The following WDR11 variants were observed in gnomAD, a reference collection of about 807,000 sequenced individuals.
The protein encoded by WDR11 is WD repeat-containing protein 11.
WDR11 carries 83 observed loss-of-function variants against 151.2 expected under a neutral mutation model. The ratio of observed to expected loss-of-function variants is 0.55; its 90% CI spans 0.46 to 0.66. The LOEUF (loss-of-function observed/expected upper bound fraction) is 0.66. Ranked by LOEUF, WDR11 falls within the 30% of genes least tolerant of loss-of-function variation. The probability of loss-of-function intolerance (pLI) is 0.00; values close to 1 mark genes in which losing one functional copy is unlikely to be tolerated. For synonymous variants in WDR11, 484 were observed against 533.1 expected (o/e 0.91, Z 1.27); for missense variants, 1,301 against 1,480.9 (o/e 0.88, Z 1.99).
chr10:120,894,447 T>C (rs1452523747), intron 19 of WDR11, among the ~76,000 whole-genome samples: 1 of 152,174 alleles, frequency 6.6e-6, no homozygotes, highest in Non-Finnish European at 1.5e-5. Flanking sequence ...CTGGGGATGC[T>C]AAACAACCTG....
chr10:120,857,909 T>C (rs1226552697), intron 2 of WDR11, among the ~76,000 whole-genome samples: 2 of 152,152 alleles, frequency 1.3e-5, no homozygotes, highest in Non-Finnish European at 2.9e-5. Flanking sequence ...ATAAAATAAG[T>C]ACAAATTGTG....
Position 120,903,037 on chromosome 10 carries a change from T to G in WDR11, c.2754-18T>G, listed in dbSNP as rs1357218895. On this transcript the variant is annotated intron_variant, in intron 22 of 28. Coordinates refer to ENST00000263461, the MANE Select transcript of WDR11 (RefSeq NM_018117.12). The stretch of plus-strand genomic sequence containing the variant: ...AGGTGTGCTGAGTGCAGTCAAAACT[T>G]TGCTTCATCCTTGCCAGGCTCTATG... 1 of 1,613,338 alleles carries G rather than the reference T, an allele frequency of 6.2e-7. No individual in the cohort carries two copies. The highest frequency in any genetic ancestry group is 1.7e-5 in the Admixed American group (1 of 60,010).
chr10:120,904,556 GTTTTCC>G (rs1365020892), intron 24 of WDR11, 84 bp from the exon 25 acceptor site: 5 of 1,505,824 alleles, frequency 3.3e-6, no homozygotes, highest in Non-Finnish European at 4.6e-6. Flanking sequence ...GAAAATGAGT[GTTTTCC>G]TTTAGTTTTC....
chr10:120,883,390 T>C (rs1847097042), intron 13 of WDR11, among the ~76,000 whole-genome samples: 1 of 152,204 alleles, frequency 6.6e-6, no homozygotes, highest in Non-Finnish European at 1.5e-5. Context: ...TGTAGTAGAA[T>C]GATAGAAACT....
Position 120,905,353 on chromosome 10 carries a change from T to C in WDR11, c.3228T>C (p.Ala1076=). 6.2e-7 allele frequency: 1 copy of C among 1,614,170 alleles called. No homozygotes were observed. Among genetic ancestry groups the C allele is most frequent in the Non-Finnish European group, 8.5e-7 (1 of 1,180,036 alleles). The change falls in exon 26 of 29, where the codon GCT becomes GCC. Residue 1076 remains alanine, a synonymous_variant. Transcript: ENST00000263461. ...AGTTGCTCTGCCTGATAGATAAGGC[T>C]GCAGACGCCTGCCGCTACCTGCAGA... ...GVQLLCLIDK[A]ADACRYLQTY...
chr10:120,893,689 T>C (rs1394836450), intron 19 of WDR11, among the ~76,000 whole-genome samples: 1 of 151,940 alleles, frequency 6.6e-6, no homozygotes, highest in East Asian at 1.9e-4. Flanking sequence ...GTTTCCTGAC[T>C]TTTTAATGAT....
chr10:120,857,844 T>C (rs1214375930), intron 2 of WDR11, among the ~76,000 whole-genome samples: 2 of 152,200 alleles, frequency 1.3e-5, no homozygotes, highest in Non-Finnish European at 2.9e-5. Context: ...GACCACATGG[T>C]GTGCCCTATG....
At chr10:120,881,297 T>G (rs943214456) in intron 13 of WDR11, among the ~76,000 whole-genome samples, 3 of 152,148 alleles carry the variant, frequency 2.0e-5, no homozygotes, top group Non-Finnish European at 4.4e-5. Flanking sequence ...AAATAGAAAC[T>G]GAATGAAAAT....
In WDR11 at chr10:120,866,589, C is replaced by T. The variant is rs1846319811; in HGVS notation, c.1015C>T (p.Leu339Phe). The T allele has an allele frequency of 1.9e-6, 3 of 1,614,104 alleles. No individual in the cohort carries two copies. The highest frequency in any genetic ancestry group is 2.5e-6 in the Non-Finnish European group (3 of 1,180,028). The change falls in exon 8 of 29, where the codon CTT becomes TTT. Residue 339 changes from leucine (L) to phenylalanine (F), a missense_variant. Leu to Phe is a conservative substitution (Grantham distance 22, BLOSUM62 0). Around this residue, in one of 3 missense-constraint regions of WDR11, gnomAD observed 692 missense variants for 762.5 expected, o/e 0.91. Transcript: ENST00000263461. The stretch of plus-strand genomic sequence containing the variant: ...TGAAGATCCAGATCCAGTTCAGGAG[C>T]TTACCTATGATTTACGAAGCCAGTG... ...EEPDPDPVQELTYDLRSQCDA... is the reference protein window; with the variant it reads ...EEPDPDPVQEFTYDLRSQCDA...
At chr10:120,883,685 G>T in intron 13 of WDR11, 95 bp from the exon 14 acceptor site, 1 of 981,194 alleles carries the variant, frequency 1.0e-6, no homozygotes, top group Non-Finnish European at 1.6e-6. Flanking sequence ...GAATGCGTCA[G>T]CTGAGTTTTT....
intron 1 of WDR11, 49 bp downstream of exon 1, chr10:120,851,555 AG>A (rs1247018308): frequency 4.4e-6 from 7 of 1,574,876 alleles, no homozygotes; most frequent in Non-Finnish European, 6.0e-6. Flanking sequence ...GGAATGTGTG[AG>A]GGGGAAGGGG....
rs376245236 is a variant in WDR11, at chr10:120,900,949, C to A, written c.2625-87C>A. ...CCAAGAACTACGAAGAAGGTTATCT[C>A]TATATTAACACAACTTTTTTCAGGT... On this transcript the variant is annotated intron_variant, in intron 20 of 28. Coordinates refer to ENST00000263461, the MANE Select transcript of WDR11 (RefSeq NM_018117.12). 8.3e-6 allele frequency: 8 copies of A among 964,120 alleles called. No homozygotes were observed. The African/African-American group carries it at 1.1e-4, about 14-fold the overall frequency. The allele number at this position is 964,120 out of a possible 1,614,324, so 59.7% of individuals were successfully genotyped here. A position where few individuals can be genotyped will look rare whatever the true frequency, so the allele number is the denominator to read the frequency against.
chr10:120,888,908 A>G (rs1248308870), intron 16 of WDR11, among the ~76,000 whole-genome samples, 170 bp from the exon 17 acceptor site: 1 of 152,188 alleles, frequency 6.6e-6, no homozygotes, highest in African/African-American at 2.4e-5. Context: ...TCATAGTTGA[A>G]ATTGATAGGC....
Position 120,874,195 on chromosome 10 carries a change from TG to T in WDR11, c.1556+273del, listed in dbSNP as rs59579903. Among the ~76,000 whole-genome samples the T allele has an allele frequency of 0.078, 8,242 of 105,944 alleles. 644 individuals are homozygous for T. The highest frequency in any genetic ancestry group is 0.1 in the East Asian group (336 of 3,210). 69.5% of individuals were successfully genotyped at this position (105,944 alleles called of 152,430 possible). On this transcript the variant is annotated intron_variant, in intron 11 of 28. Coordinates refer to ENST00000263461, the MANE Select transcript of WDR11 (RefSeq NM_018117.12). ...TTTGCAGTTTTTTTTTTTTTTTTGT[TG>T]TTGTTGTTGTTGTTTGTTTTGTTTT...
At chr10:120,885,592 C>T (rs1000446524) in intron 14 of WDR11, among the ~76,000 whole-genome samples, 1 of 152,078 alleles carries the variant, frequency 6.6e-6, no homozygotes, top group Non-Finnish European at 1.5e-5. Context: ...TTTATAAAAA[C>T]ATCAAAAGGT....
intron 21 of WDR11, among the ~76,000 whole-genome samples, chr10:120,901,417 A>G (rs1004980477): frequency 2.6e-5 from 4 of 152,178 alleles, no homozygotes; most frequent in Admixed American, 2.0e-4. Context: ...ACAAACCTCC[A>G]TGAAGCCTCA....
rs747938475 is a variant in WDR11, at chr10:120,871,308, CA to C, written c.1439del (p.Asn480ThrfsTer32). 3.1e-6 allele frequency: 5 copies of C among 1,613,528 alleles called. No individual in the cohort carries two copies. In the East Asian group the frequency reaches 1.1e-4, roughly 36 times the overall value. On this transcript the variant is annotated frameshift_variant, in exon 10 of 29. Transcript: ENST00000263461. LOFTEE classifies it high-confidence loss of function. Reference protein sequence around the residue: ...FAIRMCPPLTTKNIKMYQPLL... With the variant: ...FAIRMCPPLTXKNIKMYQPLL... Reference sequence around the variant, plus strand: ...ATTCGTATGTGTCCACCGTTGACCACAAAAAACATCAAGATGTATCAGCCAC... The same window carrying C: ...ATTCGTATGTGTCCACCGTTGACCACAAAAACATCAAGATGTATCAGCCAC...
intron 2 of WDR11, among the ~76,000 whole-genome samples, chr10:120,856,577 A>C (rs1233863492): frequency 1.2e-5 from 1 of 82,724 alleles, no homozygotes; most frequent in African/African-American, 3.1e-5. Flanking sequence ...TCTGTCTCCA[A>C]AAAAAAAAAA....
At chr10:120,898,607 G>A (rs777022113) in intron 19 of WDR11, among the ~76,000 whole-genome samples, 12 of 152,296 alleles carry the variant, frequency 7.9e-5, no homozygotes, top group South Asian at 4.1e-4. Context: ...CTGGTAGGGG[G>A]TGATTGGATC....
Sources: allele counts gnomAD v4.1 joint callset (sites outside exome capture counted in the v4.1 genomes callset), GRCh38; gene constraint gnomAD v4.1.1; regional missense constraint gnomAD v4.1.1; transcripts MANE v1.5; gene names NCBI Gene and HGNC (gene_info 2026-07-23, HGNC 2026-07-21).